The following AGBL4 variants were observed in gnomAD, a reference collection of about 807,000 sequenced individuals.
AGBL4 encodes the protein cytosolic carboxypeptidase 6.
AGBL4 carries 58 observed loss-of-function variants against 66.4 expected under a neutral mutation model. The ratio of observed to expected loss-of-function variants is 0.87; its 90% CI spans 0.71 to 1.09. The LOEUF (loss-of-function observed/expected upper bound fraction) is 1.09, where lower values mean the gene tolerates loss of function less well. Ranked by LOEUF, AGBL4 falls within the 50% of genes least tolerant of loss-of-function variation. The pLI is 0.00. For synonymous variants in AGBL4, 234 were observed against 222.9 expected (o/e 1.05, Z -0.44); for missense variants, 579 against 631.0 (o/e 0.92, Z 0.88).
intron 3 of AGBL4, among the ~76,000 whole-genome samples, chr1:49,668,869 A>G (rs960276095): frequency 6.6e-6 from 1 of 152,136 alleles, no homozygotes; most frequent in Non-Finnish European, 1.5e-5. Flanking sequence ...TTAGACACAG[A>G]TATTTTTAGA....
chr1:49,915,470 C>G (rs1484581930), intron 1 of AGBL4, among the ~76,000 whole-genome samples: 2 of 152,118 alleles, frequency 1.3e-5, no homozygotes, highest in Non-Finnish European at 2.9e-5. Context: ...CCCACGCCCA[C>G]CGGGCCTCGC....
At chr1:49,867,262 G>T (rs1646724220) in intron 1 of AGBL4, among the ~76,000 whole-genome samples, 1 of 150,994 alleles carries the variant, frequency 6.6e-6, no homozygotes. Context: ...TAATTTTCAT[G>T]ATTTCTATAC....
At chr1:49,576,027 C>G (rs1030377235) in intron 3 of AGBL4, among the ~76,000 whole-genome samples, 3 of 152,114 alleles carry the variant, frequency 2.0e-5, no homozygotes, top group Non-Finnish European at 2.9e-5. Flanking sequence ...GAAAATAAAT[C>G]CAACTAAAAT....
At chr1:49,114,614 C>T (rs1645478402) in intron 4 of AGBL4, among the ~76,000 whole-genome samples, 1 of 152,126 alleles carries the variant, frequency 6.6e-6, no homozygotes, top group Non-Finnish European at 1.5e-5. Context: ...AGATACCTTC[C>T]TTACTAAGAT....
chr1:49,970,711 AC>A (rs1483208798), intron 1 of AGBL4, among the ~76,000 whole-genome samples: 1 of 77,512 alleles, frequency 1.3e-5, no homozygotes, highest in East Asian at 4.3e-4. Context: ...AAAACAAAAC[AC>A]ACACACACAC....
chr1:48,916,530 G>A (rs1325191023), intron 5 of AGBL4, among the ~76,000 whole-genome samples: 2 of 151,040 alleles, frequency 1.3e-5, no homozygotes, highest in Non-Finnish European at 1.5e-5. Flanking sequence ...CTGTAGTTCC[G>A]TTTTTTGTGT....
chr1:49,320,832 G>T (rs1302320389), intron 3 of AGBL4, among the ~76,000 whole-genome samples: 1 of 152,120 alleles, frequency 6.6e-6, no homozygotes, highest in African/African-American at 2.4e-5. Flanking sequence ...GTTCTTCATG[G>T]CTGGGGAGGC....
intron 6 of AGBL4, among the ~76,000 whole-genome samples, chr1:48,861,900 T>C (rs1019770751): frequency 2.0e-5 from 3 of 152,176 alleles, no homozygotes; most frequent in African/African-American, 7.2e-5. Context: ...TCCTAAGAGA[T>C]AGTTTATTTT....
chr1:48,523,893 C>A, the AGBL4 span, among the ~76,000 whole-genome samples: 1 of 152,152 alleles, frequency 6.6e-6, no homozygotes. Context: ...AGGCTACAAA[C>A]CCGTCAAGTA....
intron 3 of AGBL4, among the ~76,000 whole-genome samples, chr1:49,582,147 C>T (rs1571100963): frequency 6.6e-6 from 1 of 152,122 alleles, no homozygotes; most frequent in Admixed American, 6.5e-5. Context: ...AAGCCTGGAT[C>T]CCACACTCTG....
At chr1:49,866,483 G>A (rs967008292) in intron 1 of AGBL4, among the ~76,000 whole-genome samples, 2 of 152,176 alleles carry the variant, frequency 1.3e-5, no homozygotes, top group East Asian at 1.9e-4. Context: ...AGACTTTCTG[G>A]CTGGGCACGG....
chr1:49,858,600 A>T (rs1407477521), intron 1 of AGBL4, among the ~76,000 whole-genome samples: 4 of 152,160 alleles, frequency 2.6e-5, no homozygotes, highest in Non-Finnish European at 5.9e-5. Flanking sequence ...AAATAAGAGA[A>T]TGTAGACTTA....
chr1:48,547,565 C>T (rs560803267), intron 11 of AGBL4, among the ~76,000 whole-genome samples: 3 of 152,220 alleles, frequency 2.0e-5, no homozygotes, highest in African/African-American at 7.2e-5. Flanking sequence ...AGCTATGAGA[C>T]ATTAAGTATC....
intron 4 of AGBL4, among the ~76,000 whole-genome samples, chr1:49,157,528 G>T (rs2148132431): frequency 6.6e-6 from 1 of 152,282 alleles, no homozygotes; most frequent in Admixed American, 6.5e-5. Flanking sequence ...TGTGAACAGT[G>T]CTGTAATAAA....
intron 6 of AGBL4, among the ~76,000 whole-genome samples, chr1:48,728,611 A>G (rs1315911453): frequency 6.6e-6 from 1 of 151,494 alleles, no homozygotes; most frequent in Non-Finnish European, 1.5e-5. Context: ...TGTTTTATCC[A>G]TTTTATTGTC....
chr1:48,746,101 C>A (rs927360311), intron 6 of AGBL4, among the ~76,000 whole-genome samples: 7 of 152,136 alleles, frequency 4.6e-5, no homozygotes, highest in Non-Finnish European at 2.9e-5. Context: ...CCTCTCTGAT[C>A]TTGTTGTGTC....
intron 2 of AGBL4, among the ~76,000 whole-genome samples, chr1:49,839,479 G>A (rs1360822449): frequency 6.6e-6 from 1 of 152,144 alleles, no homozygotes; most frequent in Non-Finnish European, 1.5e-5. Context: ...TAAAGTAACA[G>A]TATTAGTAAA....
chr1:49,669,327 T>A (rs1352260958), intron 3 of AGBL4, among the ~76,000 whole-genome samples: 1 of 152,102 alleles, frequency 6.6e-6, no homozygotes, highest in Non-Finnish European at 1.5e-5. Context: ...TGTATGTTAT[T>A]TTGAAAAGCT....
At chr1:49,512,623 C>T (rs956600506) in intron 3 of AGBL4, among the ~76,000 whole-genome samples, 1 of 151,846 alleles carries the variant, frequency 6.6e-6, no homozygotes, top group Admixed American at 6.6e-5. Flanking sequence ...AGCCTCCTGA[C>T]ACCCTCTCCA....
Sources: gnomAD v4.1 joint callset for allele counts (sites outside exome capture counted in the v4.1 genomes callset) on GRCh38, gnomAD v4.1.1 for gene constraint, MANE v1.5 for transcripts, NCBI Gene and HGNC (gene_info 2026-07-23, HGNC 2026-07-21) for gene names.